The following MND1 variants were observed in gnomAD, a reference collection of about 807,000 sequenced individuals.
The protein encoded by MND1 is meiotic nuclear divisions 1.
In MND1, 28 loss-of-function variants were observed where a neutral mutation model predicts 35.1. That is an observed-to-expected ratio of 0.80 (90% confidence interval 0.59 to 1.09). MND1 has a LOEUF of 1.09. Among genes scored for constraint, MND1 ranks in the 50% least tolerant of loss-of-function variants. The pLI, the probability that MND1 is intolerant of heterozygous loss-of-function variation, is 0.00. For missense variants in MND1, 213 were observed against 239.6 expected (o/e 0.89, Z 0.73); for synonymous variants, 69 against 70.5 (o/e 0.98, Z 0.11).
chr4:153,412,316 G>T (rs1027098965), intron 7 of MND1, among the ~76,000 whole-genome samples: 2 of 152,042 alleles, frequency 1.3e-5, no homozygotes, highest in African/African-American at 4.8e-5. Context: ...TAGAGATGCC[G>T]CAACAAAACA....
At position 153,408,500 on chromosome 4, in the gene MND1, C is replaced by T. The variant is rs117601292; in HGVS notation, c.467-471C>T. On this transcript the variant is annotated intron_variant, in intron 6 of 7. Coordinates refer to ENST00000240488, the MANE Select transcript of MND1 (RefSeq NM_032117.4). ...ATTTAAAGTAAAAGTAAATACTTCCCGCTATGAGATTACTTTCTTATCCCT... is the reference window on the plus strand; with the variant it reads ...ATTTAAAGTAAAAGTAAATACTTCCTGCTATGAGATTACTTTCTTATCCCT... Among the ~76,000 whole-genome samples the T allele has an allele frequency of 3.3e-5, 5 of 152,120 alleles. No homozygotes were observed. In the East Asian group the frequency reaches 5.8e-4, roughly 18 times the overall value.
At position 153,361,575 on chromosome 4, in the gene MND1, C is replaced by T. The variant is rs571058130; in HGVS notation, c.276+2953C>T. The T allele has an allele frequency of 7.9e-4, 362 of 455,886 alleles. 2 individuals are homozygous for T. Among genetic ancestry groups the T allele is most frequent in the South Asian group, 5.1e-3 (329 of 64,548 alleles). 28.2% of individuals were successfully genotyped at this position (455,886 alleles called of 1,614,324 possible). ...AAAATTCTGGCTGGGCGCAGTGGCTCACGCCTGTAATCCCAGCACTTTGGG... is the reference window on the plus strand; with the variant it reads ...AAAATTCTGGCTGGGCGCAGTGGCTTACGCCTGTAATCCCAGCACTTTGGG... On this transcript the variant is annotated intron_variant, in intron 4 of 7. Coordinates refer to ENST00000240488, the MANE Select transcript of MND1 (RefSeq NM_032117.4).
chr4:153,399,094 T>C (rs1270062917), intron 6 of MND1, among the ~76,000 whole-genome samples: 1 of 152,242 alleles, frequency 6.6e-6, no homozygotes, highest in Non-Finnish European at 1.5e-5. Context: ...AAATCTGAGT[T>C]TCACGATAAC....
chr4:153,390,889 A>ATATGTGTGTGTGTGTGTATGTGTGTG (rs757236550), intron 4 of MND1, among the ~76,000 whole-genome samples: 1 of 139,774 alleles, frequency 7.2e-6, no homozygotes, highest in Non-Finnish European at 1.6e-5. Flanking sequence ...AGGTATATAT[A>ATATGTGTGTGTGTGTGTATGTGTGTG]TGTGTGTGTG....
At chr4:153,378,307 T>TGTATA (rs1725537829) in intron 4 of MND1, among the ~76,000 whole-genome samples, 1 of 152,194 alleles carries the variant, frequency 6.6e-6, no homozygotes, top group Admixed American at 6.5e-5. Flanking sequence ...AAATACATAT[T>TGTATA]GTATAGAAAT....
At chr4:153,387,078 C>T (rs773171307) in intron 4 of MND1, among the ~76,000 whole-genome samples, 3 of 152,120 alleles carry the variant, frequency 2.0e-5, no homozygotes, top group Non-Finnish European at 2.9e-5. Context: ...TATATATGCT[C>T]ATTATATAGA....
At position 153,414,824 on chromosome 4, in the gene MND1, TGGAATTCC is replaced by T. The variant is rs781577473; in HGVS notation, c.586_593del (p.Gly196ArgfsTer4). On this transcript the variant is annotated frameshift_variant, in exon 8 of 8. Transcript: ENST00000240488. LOFTEE classifies it high-confidence loss of function. Reference sequence around the variant, plus strand: ...AAGAAAATAAAATTGATAGAACTTTTGGAATTCCAGAAGACTTTGACTACATAGACTAA... The same window carrying T: ...AAGAAAATAAAATTGATAGAACTTTTAGAAGACTTTGACTACATAGACTAA... 64 of 1,558,830 alleles carry T rather than the reference TGGAATTCC, an allele frequency of 4.1e-5. No homozygotes were observed. The highest frequency in any genetic ancestry group is 5.5e-5 in the Non-Finnish European group (63 of 1,146,562).
intron 2 of MND1, 80 bp downstream of exon 2, chr4:153,350,209 CTT>C (rs940089818): frequency 1.1e-5 from 11 of 960,700 alleles, no homozygotes; most frequent in Non-Finnish European, 1.8e-5. Flanking sequence ...ACTGTCCCCT[CTT>C]TGTTAAACAT....
intron 4 of MND1, among the ~76,000 whole-genome samples, chr4:153,363,666 G>C (rs1773554670): frequency 1.3e-5 from 2 of 152,168 alleles, no homozygotes; most frequent in South Asian, 4.1e-4. Flanking sequence ...GAGAAGGATT[G>C]GTGAAGAGAT....
At chr4:153,356,867 G>C (rs571014573) in intron 3 of MND1, among the ~76,000 whole-genome samples, 17 of 152,140 alleles carry the variant, frequency 1.1e-4, no homozygotes, top group Non-Finnish European at 1.9e-4. Context: ...CAGTGGTCCA[G>C]GCTGGAGCCC....
At chr4:153,357,714 T>C (rs944297755) in intron 3 of MND1, among the ~76,000 whole-genome samples, 1 of 152,216 alleles carries the variant, frequency 6.6e-6, no homozygotes, top group Non-Finnish European at 1.5e-5. Context: ...GGTAATGGAA[T>C]CTCAACTGTA....
intron 1 of MND1, among the ~76,000 whole-genome samples, chr4:153,348,140 T>C (rs1451539472): frequency 6.6e-6 from 1 of 152,082 alleles, no homozygotes; most frequent in Admixed American, 6.6e-5. Flanking sequence ...GTAGTAGAGA[T>C]AGAACAGACA....
At chr4:153,345,386 A>G (rs1773049843) in intron 1 of MND1, 5 of 985,568 alleles carry the variant, frequency 5.1e-6, no homozygotes, top group Non-Finnish European at 6.0e-6. Flanking sequence ...GGTTTCTGCC[A>G]AAGGGCAGGA....
At chr4:153,378,805 G>T (rs1414295131) in intron 4 of MND1, among the ~76,000 whole-genome samples, 1 of 152,260 alleles carries the variant, frequency 6.6e-6, no homozygotes, top group African/African-American at 2.4e-5. Flanking sequence ...CCTGTATGGA[G>T]TCTCTGAAAG....
intron 3 of MND1, 93 bp downstream of exon 3, chr4:153,355,804 C>T: frequency 2.5e-6 from 2 of 806,136 alleles, no homozygotes; most frequent in Non-Finnish European, 4.1e-6. Flanking sequence ...TTTTCTGCAA[C>T]AGTCTTTCAC....
intron 2 of MND1, among the ~76,000 whole-genome samples, chr4:153,350,638 G>A (rs1162497585): frequency 6.6e-6 from 1 of 152,160 alleles, no homozygotes; most frequent in Non-Finnish European, 1.5e-5. Flanking sequence ...CCATCAACAG[G>A]AAATATGTTT....
intron 4 of MND1, among the ~76,000 whole-genome samples, chr4:153,366,305 A>T (rs1484737464): frequency 6.6e-6 from 1 of 152,226 alleles, no homozygotes; most frequent in African/African-American, 2.4e-5. Context: ...ATAAGGTGCC[A>T]TTCACAGGTT....
At chr4:153,375,760 C>T (rs1287131360) in intron 4 of MND1, among the ~76,000 whole-genome samples, 1 of 151,962 alleles carries the variant, frequency 6.6e-6, no homozygotes, top group Non-Finnish European at 1.5e-5. Context: ...CTGTTATATT[C>T]TGATATTAAG....
intron 1 of MND1, among the ~76,000 whole-genome samples, chr4:153,349,703 T>C (rs898425512): frequency 1.3e-5 from 2 of 152,244 alleles, no homozygotes; most frequent in Non-Finnish European, 2.9e-5. Context: ...GTTCTGGGTA[T>C]TTATGTAACA....
Sources: gnomAD v4.1 joint callset for allele counts (sites outside exome capture counted in the v4.1 genomes callset) on GRCh38, gnomAD v4.1.1 for gene constraint, MANE v1.5 for transcripts, NCBI Gene and HGNC (gene_info 2026-07-23, HGNC 2026-07-21) for gene names.